PDE4D: variants seen among roughly 807,000 people sequenced by gnomAD.
PDE4D encodes the protein phosphodiesterase 4D, also known as 3',5'-cyclic-AMP phosphodiesterase 4D.
Under a neutral mutation model 87.4 loss-of-function variants are expected in PDE4D, and 24 were observed. The observed-to-expected ratio is 0.27, with a 90% CI of 0.20 to 0.39. PDE4D has a LOEUF of 0.39. Among genes scored for constraint, PDE4D ranks in the 10% least tolerant of loss-of-function variants. PDE4D has a pLI of 1.00. For missense variants in PDE4D, 714 were observed against 1,041.0 expected (o/e 0.69, Z 4.32); for synonymous variants, 384 against 383.2 (o/e 1.00, Z -0.02).
chr5:60,285,241 G>A (rs150576304), intron 1 of PDE4D, among the ~76,000 whole-genome samples: 4 of 152,126 alleles, frequency 2.6e-5, no homozygotes, highest in African/African-American at 9.6e-5. Context: ...AACAGATTTT[G>A]GATTCCTGGC....
intron 1 of PDE4D, among the ~76,000 whole-genome samples, chr5:59,697,691 A>G (rs1026320023): frequency 3.3e-5 from 5 of 152,218 alleles, no homozygotes; most frequent in African/African-American, 4.8e-5. Flanking sequence ...GGATTTTCCC[A>G]TATCAGTCAA....
intron 1 of PDE4D, among the ~76,000 whole-genome samples, chr5:59,800,163 C>A: frequency 6.6e-6 from 1 of 152,022 alleles, no homozygotes; most frequent in Admixed American, 6.6e-5. Context: ...GTGCCTCAGC[C>A]ACTGGGGAAA....
chr5:60,401,430 T>G (rs1242292486), intron 1 of PDE4D, among the ~76,000 whole-genome samples: 1 of 152,230 alleles, frequency 6.6e-6, no homozygotes, highest in African/African-American at 2.4e-5. Flanking sequence ...TCTACTCAAT[T>G]GCTGAAGCTG....
At chr5:60,195,913 G>C (rs905541724) in intron 1 of PDE4D, among the ~76,000 whole-genome samples, 4 of 151,750 alleles carry the variant, frequency 2.6e-5, no homozygotes, top group African/African-American at 9.7e-5. Flanking sequence ...CATGAAAGTA[G>C]ACATTGACGG....
intron 2 of PDE4D, among the ~76,000 whole-genome samples, chr5:60,158,017 G>GA (rs1359909266): frequency 6.6e-6 from 1 of 151,260 alleles, no homozygotes; most frequent in Non-Finnish European, 1.5e-5. Flanking sequence ...ATTTCCCATG[G>GA]AAAAAAATGG....
At chr5:59,883,670 T>C (rs1749770551) in intron 1 of PDE4D, among the ~76,000 whole-genome samples, 1 of 152,194 alleles carries the variant, frequency 6.6e-6, no homozygotes, top group Non-Finnish European at 1.5e-5. Flanking sequence ...TCAGAGTTAA[T>C]AGCAATATAT....
chr5:60,311,787 A>G (rs1554203257), intron 1 of PDE4D, among the ~76,000 whole-genome samples: 2 of 152,218 alleles, frequency 1.3e-5, no homozygotes, highest in Non-Finnish European at 2.9e-5. Context: ...GAATGAAGAA[A>G]CAAGACCTAA....
intron 1 of PDE4D, among the ~76,000 whole-genome samples, chr5:60,481,213 C>CT (rs1336598716): frequency 1.3e-5 from 2 of 152,150 alleles, no homozygotes; most frequent in African/African-American, 4.8e-5. Context: ...TTTTAACCTA[C>CT]TATATCCAAG....
At chr5:60,171,882 G>C (rs1207937457) in intron 2 of PDE4D, among the ~76,000 whole-genome samples, 1 of 151,606 alleles carries the variant, frequency 6.6e-6, no homozygotes, top group Non-Finnish European at 1.5e-5. Flanking sequence ...AAAATGATTC[G>C]ACTTTTCAAT....
intron 1 of PDE4D, among the ~76,000 whole-genome samples, chr5:60,247,493 AATTAT>A (rs1265901915): frequency 6.6e-6 from 1 of 151,990 alleles, no homozygotes; most frequent in African/African-American, 2.4e-5. Flanking sequence ...TTCAGTTCAC[AATTAT>A]ATTATCCAAA....
At chr5:60,140,831 G>A (rs538939675) in intron 2 of PDE4D, among the ~76,000 whole-genome samples, 23 of 152,206 alleles carry the variant, frequency 1.5e-4, no homozygotes, top group Admixed American at 3.9e-4. Flanking sequence ...GCTGAATTTC[G>A]AGAATAGTTT....
At position 59,653,208 on chromosome 5, in the gene PDE4D, A is replaced by ATTTTTTTTT. The variant is rs555841091; in HGVS notation, c.455+239951_455+239959dup. ...TCAAATAATGTTAGCAAAAAAAAAA[A>ATTTTTTTTT]TTTTTTTTTTTTTTTTTAGACAGAG... is the stretch of plus-strand genomic sequence containing the variant. On this transcript the variant is annotated intron_variant, in intron 1 of 14. Coordinates refer to ENST00000340635, the MANE Select transcript of PDE4D (RefSeq NM_001104631.2). Among the ~76,000 whole-genome samples the ATTTTTTTTT allele has an allele frequency of 4.8e-5, 6 of 125,724 alleles. 1 individual carries two copies. Among genetic ancestry groups the ATTTTTTTTT allele is most frequent in the South Asian group, 5.0e-4 (2 of 3,978 alleles). The allele number at this position is 125,724 out of a possible 152,430, so 82.5% of individuals were successfully genotyped here. A position where few individuals can be genotyped will look rare whatever the true frequency, so the allele number is the denominator to read the frequency against.
At chr5:60,264,775 A>G (rs1427274946) in intron 1 of PDE4D, among the ~76,000 whole-genome samples, 1 of 152,308 alleles carries the variant, frequency 6.6e-6, no homozygotes, top group East Asian at 1.9e-4. Flanking sequence ...GTTAGAGGTG[A>G]CGTGCACACC....
At chr5:59,195,133 T>C (rs887914138) in intron 2 of PDE4D, among the ~76,000 whole-genome samples, 2 of 152,322 alleles carry the variant, frequency 1.3e-5, no homozygotes, top group African/African-American at 4.8e-5. Context: ...CTACCCAGCC[T>C]CTAGAACTGT....
intron 1 of PDE4D, among the ~76,000 whole-genome samples, chr5:60,200,932 C>T (rs1311601617): frequency 2.0e-5 from 3 of 152,002 alleles, no homozygotes; most frequent in Non-Finnish European, 4.4e-5. Flanking sequence ...ACACTGAATC[C>T]TGATTTTTAA....
chr5:59,324,272 T>G (rs945995286), intron 1 of PDE4D, among the ~76,000 whole-genome samples: 9 of 152,144 alleles, frequency 5.9e-5, no homozygotes, highest in African/African-American at 2.2e-4. Context: ...TTACTTGTAG[T>G]TGACTCTATG....
intron 1 of PDE4D, among the ~76,000 whole-genome samples, chr5:60,197,799 A>G (rs1741441368): frequency 6.6e-6 from 1 of 151,672 alleles, no homozygotes; most frequent in Admixed American, 6.6e-5. Context: ...CAGAGCCAAG[A>G]AACCAAAGAC....
chr5:59,150,960 C>A (rs550201596), intron 5 of PDE4D, among the ~76,000 whole-genome samples: 5 of 152,186 alleles, frequency 3.3e-5, no homozygotes, highest in African/African-American at 1.2e-4. Context: ...AAAACCAGAC[C>A]AGATATATAA....
chr5:60,461,398 G>A (rs937492419), intron 1 of PDE4D, among the ~76,000 whole-genome samples: 4 of 152,218 alleles, frequency 2.6e-5, no homozygotes, highest in African/African-American at 9.6e-5. Context: ...GCACCCAATA[G>A]TCCACGAAGA....
Sources: allele counts gnomAD v4.1 joint callset (sites outside exome capture counted in the v4.1 genomes callset), GRCh38; gene constraint gnomAD v4.1.1; transcripts MANE v1.5; gene names NCBI Gene and HGNC (gene_info 2026-07-23, HGNC 2026-07-21).